PKIG: variants seen among roughly 807,000 people sequenced by gnomAD.
PKIG encodes the protein protein kinase (cAMP-dependent, catalytic) inhibitor gamma.
PKIG carries 1 observed loss-of-function variant against 6.8 expected under a neutral mutation model. The ratio of observed to expected loss-of-function variants is 0.15; its 90% confidence interval spans 0.05 to 0.69. PKIG has a LOEUF of 0.69. PKIG is among the 30% of genes least tolerant of loss of function. The pLI, the probability that PKIG is intolerant of heterozygous loss-of-function variation, is 0.82. For synonymous variants in PKIG, 39 were observed against 43.0 expected, an observed-to-expected ratio of 0.91 and a Z score of 0.36; for missense variants, 77 against 104.0, an observed-to-expected ratio of 0.74 and a Z score of 1.13.
upstream of PKIG, among the ~76,000 whole-genome samples, chr20:44,578,699 T>C (rs2064921654): frequency 6.6e-6 from 1 of 152,174 alleles, no homozygotes; most frequent in Admixed American, 6.5e-5. Context: ...CAAATAAACC[T>C]CTTTTCATCA....
chr20:44,540,744 AT>A (rs1292913410), intron 1 of PKIG, among the ~76,000 whole-genome samples: 1 of 151,818 alleles, frequency 6.6e-6, no homozygotes, highest in Non-Finnish European at 1.5e-5. Flanking sequence ...TACCCGGCTA[AT>A]TTTTAAAAAT....
intron 2 of PKIG, among the ~76,000 whole-genome samples, chr20:44,593,997 G>A (rs2065055777): frequency 6.6e-6 from 1 of 152,130 alleles, no homozygotes; most frequent in Admixed American, 6.5e-5. Flanking sequence ...CCAACGCTGG[G>A]CTAAACCTTT....
upstream of PKIG, among the ~76,000 whole-genome samples, chr20:44,580,322 GTTTT>G (rs1458141641): frequency 1.3e-5 from 2 of 151,528 alleles, no homozygotes. Context: ...CCAGGCTGGT[GTTTT>G]TTTGTTTTGT....
chr20:44,589,223 A>G lies in PKIG; in HGVS notation c.-93-574A>G, dbSNP rs185157226. Among the ~76,000 whole-genome samples, 17 of 152,264 alleles carry G rather than the reference A, an allele frequency of 1.1e-4. No individual in the cohort carries two copies. In the East Asian group the frequency reaches 2.9e-3, roughly 26 times the overall value. On this transcript the variant is annotated intron_variant, in intron 1 of 3. Transcript: ENST00000372886. Reference sequence around the variant, plus strand: ...ACAGTAGTTCACACCTGTAATCTCAACTAGTCAGGTGGCTGAGAGTGGATG... The same window carrying G: ...ACAGTAGTTCACACCTGTAATCTCAGCTAGTCAGGTGGCTGAGAGTGGATG...
At chr20:44,543,516 T>C (rs2064581476) in intron 1 of PKIG, among the ~76,000 whole-genome samples, 1 of 152,186 alleles carries the variant, frequency 6.6e-6, no homozygotes, top group African/African-American at 2.4e-5. Flanking sequence ...TGCATAACTC[T>C]CAGCACCTAC....
At position 44,618,367 on chromosome 20, in the gene PKIG, C is replaced by G. The variant is rs1205296409; in HGVS notation, c.*3C>G. The G allele has an allele frequency of 6.2e-7, 1 of 1,602,684 alleles. No individual in the cohort carries two copies. Among genetic ancestry groups the G allele is most frequent in the Non-Finnish European group, 8.5e-7 (1 of 1,169,668 alleles). ...GCGATGGGACCACCTCGTCTTGAAT[C>G]TGACCTTGTCCAAGAAGGCTGGACG... On this transcript the variant is annotated 3_prime_UTR_variant, in exon 4 of 4. Transcript: ENST00000372886.
intron 2 of PKIG, among the ~76,000 whole-genome samples, chr20:44,599,716 G>A (rs1427202939): frequency 6.6e-6 from 1 of 152,072 alleles, no homozygotes; most frequent in African/African-American, 2.4e-5. Context: ...GCGAGATTCT[G>A]TCTCAAAAAA....
chr20:44,541,276 CTA>C (rs2064559452), intron 1 of PKIG, among the ~76,000 whole-genome samples: 2 of 152,100 alleles, frequency 1.3e-5, no homozygotes, highest in South Asian at 4.1e-4. Context: ...TAAGACTAGA[CTA>C]TGGGTTTTTT....
chr20:44,607,377 A>ATAT (rs1414609234), intron 2 of PKIG, among the ~76,000 whole-genome samples: 40 of 94,232 alleles, frequency 4.2e-4, no homozygotes, highest in African/African-American at 1.8e-3. Context: ...ATATATATAT[A>ATAT]TTTTTTTTTT....
intron 1 of PKIG, among the ~76,000 whole-genome samples, chr20:44,568,341 T>C (rs1020708729): frequency 2.0e-5 from 3 of 152,068 alleles, no homozygotes; most frequent in Non-Finnish European, 4.4e-5. Context: ...AATAAGAAAA[T>C]AAAAATTACC....
intron 2 of PKIG, among the ~76,000 whole-genome samples, chr20:44,607,553 T>C (rs1371601215): frequency 1.3e-5 from 2 of 150,636 alleles, no homozygotes; most frequent in African/African-American, 4.9e-5. Flanking sequence ...ATTTTTGTAT[T>C]TTTAGTAGAG....
chr20:44,547,447 G>A (rs1226537864), intron 1 of PKIG, among the ~76,000 whole-genome samples: 3 of 152,204 alleles, frequency 2.0e-5, no homozygotes, highest in African/African-American at 7.2e-5. Context: ...AGAGAAGCAG[G>A]CCATGTGTGG....
chr20:44,587,068 C>A (rs1014452378), intron 1 of PKIG, among the ~76,000 whole-genome samples: 3 of 152,128 alleles, frequency 2.0e-5, no homozygotes, highest in Non-Finnish European at 4.4e-5. Context: ...TCAGTGTAGT[C>A]TTTAACATTC....
chr20:44,611,423 G>T (rs1218379660), intron 2 of PKIG, among the ~76,000 whole-genome samples: 1 of 151,896 alleles, frequency 6.6e-6, no homozygotes, highest in South Asian at 2.1e-4. Context: ...CTATCTAATT[G>T]TAACTATGTA....
At chr20:44,570,662 A>G (rs1349977262) in intron 1 of PKIG, among the ~76,000 whole-genome samples, 1 of 152,222 alleles carries the variant, frequency 6.6e-6, no homozygotes, top group Non-Finnish European at 1.5e-5. Flanking sequence ...AATGGTGTCC[A>G]AGACAGACCA....
At chr20:44,552,843 T>G (rs2064681229) in intron 1 of PKIG, among the ~76,000 whole-genome samples, 1 of 152,146 alleles carries the variant, frequency 6.6e-6, no homozygotes, top group African/African-American at 2.4e-5. Flanking sequence ...ATCTTAATTG[T>G]CTTTAGGGAA....
At chr20:44,540,259 C>G (rs1209214636) in intron 1 of PKIG, among the ~76,000 whole-genome samples, 3 of 152,184 alleles carry the variant, frequency 2.0e-5, no homozygotes, top group African/African-American at 7.2e-5. Context: ...CTGTGCCTGG[C>G]CCAGTTTTTC....
Position 44,585,913 on chromosome 20 carries a change from G to C in PKIG, c.-94+3182G>C, listed in dbSNP as rs2064986645. The stretch of plus-strand genomic sequence containing the variant: ...GAAATTGGAAAGGGGTAGCAGGTAA[G>C]AGCTCTCGAGTTCAGTGAGAAATTG... On this transcript the variant is annotated intron_variant, in intron 1 of 3. Transcript: ENST00000372886. Among the ~76,000 whole-genome samples, 3 of 152,236 alleles carry C rather than the reference G, an allele frequency of 2.0e-5. No homozygotes were observed. In the South Asian group the frequency reaches 6.2e-4, roughly 32 times the overall value.
intron 2 of PKIG, among the ~76,000 whole-genome samples, chr20:44,592,965 T>C (rs1216804361): frequency 6.6e-6 from 1 of 152,148 alleles, no homozygotes; most frequent in African/African-American, 2.4e-5. Context: ...AAAATTCCTA[T>C]GAAACCATGA....
Sources: allele counts gnomAD v4.1 joint callset (sites outside exome capture counted in the v4.1 genomes callset), GRCh38; gene constraint gnomAD v4.1.1; transcripts MANE v1.5; gene names NCBI Gene and HGNC (gene_info 2026-07-23, HGNC 2026-07-21).